PDE1A: variants seen among roughly 807,000 people sequenced by gnomAD.
PDE1A encodes phosphodiesterase 1A, also known as dual specificity calcium/calmodulin-dependent 3',5'-cyclic nucleotide phosphodiesterase 1A.
A neutral mutation model predicts 61.7 loss-of-function variants in PDE1A; 35 were observed. The observed-to-expected ratio is 0.57, with a 90% confidence interval of 0.43 to 0.75. PDE1A has a LOEUF of 0.75. PDE1A is among the 30% of genes least tolerant of loss of function. The pLI is 0.00. For missense variants in PDE1A, 597 were observed against 630.6 expected (o/e 0.95, Z 0.57); for synonymous variants, 232 against 213.2 (o/e 1.09, Z -0.77).
intron 8 of PDE1A, 57 bp downstream of exon 8, chr2:182,205,883 G>C: frequency 6.8e-7 from 1 of 1,469,002 alleles, no homozygotes; most frequent in South Asian, 1.2e-5. Context: ...ACTTTAAATC[G>C]CATAATTTAT....
chr2:182,580,335 T>C, the PDE1A span, among the ~76,000 whole-genome samples: 41 of 152,270 alleles, frequency 2.7e-4, no homozygotes, highest in African/African-American at 7.7e-4. Flanking sequence ...GAGATCCAGA[T>C]TGGATTCATC....
chr2:182,626,863 A>G, the PDE1A span, among the ~76,000 whole-genome samples: 5 of 42,722 alleles, frequency 1.2e-4, no homozygotes, highest in Non-Finnish European at 1.4e-4. Flanking sequence ...ATATATACAT[A>G]TATATATACA....
chr2:182,375,376 GA>G (rs1382160534), intron 1 of PDE1A, among the ~76,000 whole-genome samples: 2 of 152,194 alleles, frequency 1.3e-5, no homozygotes, highest in Non-Finnish European at 2.9e-5. Flanking sequence ...TGGGTAAATA[GA>G]GCTGTTCCAA....
chr2:182,368,929 T>C (rs150203478), intron 1 of PDE1A, among the ~76,000 whole-genome samples: 1 of 152,318 alleles, frequency 6.6e-6, no homozygotes, highest in East Asian at 1.9e-4. Context: ...AACTATCCTT[T>C]TGGAAAGGAA....
intron 7 of PDE1A, among the ~76,000 whole-genome samples, chr2:182,206,462 A>G (rs1350586711): frequency 6.6e-6 from 1 of 152,152 alleles, no homozygotes; most frequent in Non-Finnish European, 1.5e-5. Flanking sequence ...TGTACATTCT[A>G]TGCGTTTAGA....
At chr2:182,715,873 C>G in the PDE1A span, among the ~76,000 whole-genome samples, 1 of 152,202 alleles carries the variant, frequency 6.6e-6, no homozygotes, top group Non-Finnish European at 1.5e-5. Context: ...TCGGTCTCAC[C>G]CACCCATCAC....
intron 13 of PDE1A, among the ~76,000 whole-genome samples, chr2:182,182,168 A>G (rs1559147661): frequency 6.6e-6 from 1 of 152,212 alleles, no homozygotes; most frequent in Non-Finnish European, 1.5e-5. Flanking sequence ...AATTTCCTAC[A>G]GAATGCCAAA....
intron 2 of PDE1A, among the ~76,000 whole-genome samples, chr2:182,247,219 A>G (rs992583729): frequency 3.9e-5 from 6 of 152,130 alleles, no homozygotes; most frequent in African/African-American, 1.4e-4. Flanking sequence ...AAAACTAAAC[A>G]TTTTTGATAG....
the PDE1A span, among the ~76,000 whole-genome samples, chr2:182,645,678 G>T: frequency 6.6e-6 from 1 of 152,064 alleles, no homozygotes; most frequent in Non-Finnish European, 1.5e-5. Context: ...AAAAATTTTT[G>T]CAGATTAAGT....
chr2:182,180,309 C>G (rs1032057130), intron 13 of PDE1A, among the ~76,000 whole-genome samples: 9 of 151,728 alleles, frequency 5.9e-5, no homozygotes, highest in African/African-American at 2.2e-4. Flanking sequence ...TGTCTAGTGC[C>G]CAATCTAGGA....
At chr2:182,421,814 C>T (rs1011234777) in intron 1 of PDE1A, among the ~76,000 whole-genome samples, 5 of 152,180 alleles carry the variant, frequency 3.3e-5, no homozygotes, top group Non-Finnish European at 7.4e-5. Context: ...CTTGGTAATA[C>T]ATTTCAAAAA....
chr2:182,187,281 CTCA>C (rs1179270815), intron 11 of PDE1A, among the ~76,000 whole-genome samples: 6 of 152,198 alleles, frequency 3.9e-5, no homozygotes, highest in African/African-American at 1.4e-4. Flanking sequence ...ATTTAAAGTA[CTCA>C]TCAAGATAGA....
At chr2:182,471,556 C>A (rs1687030913) in intron 2 of PDE1A, among the ~76,000 whole-genome samples, 1 of 151,724 alleles carries the variant, frequency 6.6e-6, no homozygotes, top group African/African-American at 2.4e-5. Flanking sequence ...AACCCAATTC[C>A]TTTTACCTAT....
At chr2:182,209,687 A>G (rs1687417535) in intron 7 of PDE1A, among the ~76,000 whole-genome samples, 1 of 151,706 alleles carries the variant, frequency 6.6e-6, no homozygotes. Context: ...GTTGCTGAAA[A>G]GTGTGCAGCA....
chr2:182,211,211 CTTTGCTT>C (rs1388277139), intron 7 of PDE1A, among the ~76,000 whole-genome samples: 1 of 152,194 alleles, frequency 6.6e-6, no homozygotes, highest in Non-Finnish European at 1.5e-5. Context: ...CTAGATTCTT[CTTTGCTT>C]TTTGCTTTTG....
chr2:182,347,960 G>T (rs1190401693), intron 1 of PDE1A, among the ~76,000 whole-genome samples: 1 of 152,126 alleles, frequency 6.6e-6, no homozygotes, highest in African/African-American at 2.4e-5. Context: ...GAAGCAACAC[G>T]TAGTTTTGGG....
the PDE1A span, among the ~76,000 whole-genome samples, chr2:182,689,842 G>T: frequency 6.6e-6 from 1 of 152,258 alleles, no homozygotes; most frequent in Admixed American, 6.5e-5. Flanking sequence ...AAATGATAAA[G>T]GGGATATCAC....
chr2:182,441,008 T>G (rs1274911939), intron 2 of PDE1A, among the ~76,000 whole-genome samples: 1 of 152,090 alleles, frequency 6.6e-6, no homozygotes, highest in East Asian at 1.9e-4. Flanking sequence ...CTGGGTAATT[T>G]ATAAAGGAAA....
chr2:182,647,388 G>A, the PDE1A span, among the ~76,000 whole-genome samples: 2 of 152,236 alleles, frequency 1.3e-5, no homozygotes, highest in African/African-American at 2.4e-5. Flanking sequence ...AGATTGGATC[G>A]TACACCTTCC....
Sources: allele counts gnomAD v4.1 joint callset (sites outside exome capture counted in the v4.1 genomes callset), GRCh38; gene constraint gnomAD v4.1.1; transcripts MANE v1.5; gene names NCBI Gene and HGNC (gene_info 2026-07-23, HGNC 2026-07-21).